The following ZFAND3 variants were observed in gnomAD, a reference collection of about 807,000 sequenced individuals.
ZFAND3 encodes AN1-type zinc finger protein 3.
A neutral mutation model predicts 29.6 loss-of-function variants in ZFAND3; 10 were observed. That is an observed-to-expected ratio of 0.34 (90% CI 0.21 to 0.57). The LOEUF (loss-of-function observed/expected upper bound fraction) is 0.57, where lower values mean the gene tolerates loss of function less well. Among genes scored for constraint, ZFAND3 ranks in the 20% least tolerant of loss-of-function variants. ZFAND3 has a pLI of 0.86. For synonymous variants in ZFAND3, 128 were observed against 112.6 expected (o/e 1.14, Z -0.87); for missense variants, 230 against 304.5 (o/e 0.76, Z 1.82).
chr6:37,884,664 C>G (rs765197417), intron 1 of ZFAND3, among the ~76,000 whole-genome samples: 1 of 144,654 alleles, frequency 6.9e-6, no homozygotes, highest in African/African-American at 2.8e-5. Flanking sequence ...ATCTGCTACT[C>G]TAAATATCAA....
rs1766290117 is a variant in ZFAND3, at chr6:38,153,895, C to T, written c.*1506C>T. The T allele has an allele frequency of 1.0e-6, 1 of 985,366 alleles. No individual in the cohort carries two copies. The highest frequency in any genetic ancestry group is 6.1e-5 in the Admixed American group (1 of 16,272). 61.0% of individuals were successfully genotyped at this position (985,366 alleles called of 1,614,324 possible). A position where few individuals can be genotyped will look rare whatever the true frequency, so the allele number is the denominator to read the frequency against. Reference sequence around the variant, plus strand: ...AGGCTACTGGAATAGTTTAACCCAGCAACTTTCCTTTTTATAAAACAACAA... The same window carrying T: ...AGGCTACTGGAATAGTTTAACCCAGTAACTTTCCTTTTTATAAAACAACAA... On this transcript the variant is annotated 3_prime_UTR_variant, in exon 6 of 6. Transcript: ENST00000287218.
At chr6:37,861,889 A>G (rs1404303163) in intron 1 of ZFAND3, among the ~76,000 whole-genome samples, 2 of 152,248 alleles carry the variant, frequency 1.3e-5, no homozygotes, top group Non-Finnish European at 1.5e-5. Context: ...TATTTCAAGT[A>G]GAAATAGAAA....
At chr6:37,867,731 A>G (rs1561916241) in intron 1 of ZFAND3, among the ~76,000 whole-genome samples, 1 of 152,246 alleles carries the variant, frequency 6.6e-6, no homozygotes, top group Non-Finnish European at 1.5e-5. Flanking sequence ...TGTCACAATA[A>G]GAACCAGTAC....
rs190468252 is a variant in ZFAND3 at position 37,898,919 on chromosome 6, G to A, written c.72-31040G>A. On this transcript the variant is annotated intron_variant, in intron 1 of 5. Transcript: ENST00000287218. ...ATTTCTTATTTATTTATTTTGAGAC[G>A]GAGTCTCACTCTGTTGCCCAGGCTG... is the stretch of plus-strand genomic sequence containing the variant. 3.0e-3 allele frequency among the ~76,000 whole-genome samples: 261 copies of A among 87,334 alleles called. 1 individual carries two copies. Among genetic ancestry groups the A allele is most frequent in the African/African-American group, 0.013 (247 of 19,594 alleles). The allele number at this position is 87,334 out of a possible 152,430, so 57.3% of individuals were successfully genotyped here.
At chr6:38,038,892 C>G (rs1032306001) in intron 2 of ZFAND3, among the ~76,000 whole-genome samples, 5 of 152,190 alleles carry the variant, frequency 3.3e-5, no homozygotes, top group Non-Finnish European at 7.3e-5. Context: ...TGGATCCCAT[C>G]CTGAAACCTG....
At chr6:37,889,887 G>A (rs928749727) in intron 1 of ZFAND3, among the ~76,000 whole-genome samples, 1 of 152,106 alleles carries the variant, frequency 6.6e-6, no homozygotes, top group Admixed American at 6.6e-5. Context: ...TTTAAGCAGC[G>A]ATTTATTTCT....
intron 3 of ZFAND3, among the ~76,000 whole-genome samples, chr6:38,066,755 A>G (rs1764354198): frequency 6.6e-6 from 1 of 152,238 alleles, no homozygotes; most frequent in Non-Finnish European, 1.5e-5. Context: ...TCTTTTGAAA[A>G]GACTGCAGAT....
chr6:37,961,696 G>C (rs1366950632), intron 2 of ZFAND3, among the ~76,000 whole-genome samples: 2 of 152,200 alleles, frequency 1.3e-5, no homozygotes, highest in Non-Finnish European at 2.9e-5. Context: ...GAAAGTACAG[G>C]AAGAAAACAA....
intron 3 of ZFAND3, among the ~76,000 whole-genome samples, chr6:38,068,009 A>G (rs1764379760): frequency 6.6e-6 from 1 of 152,152 alleles, no homozygotes; most frequent in African/African-American, 2.4e-5. Context: ...GCTGCTAGGG[A>G]GGATTAATGG....
intron 1 of ZFAND3, among the ~76,000 whole-genome samples, chr6:37,882,367 C>G (rs1262024329): frequency 6.6e-6 from 1 of 152,066 alleles, no homozygotes; most frequent in Non-Finnish European, 1.5e-5. Context: ...AGCCGCCCCC[C>G]CAATTCTCTT....
chr6:38,087,306 A>G (rs934279869), intron 4 of ZFAND3, among the ~76,000 whole-genome samples: 3 of 152,230 alleles, frequency 2.0e-5, no homozygotes, highest in Admixed American at 6.5e-5. Flanking sequence ...ATACCCCACA[A>G]GCACAGGCAA....
At chr6:38,098,074 G>A (rs1363222105) in intron 4 of ZFAND3, among the ~76,000 whole-genome samples, 2 of 152,108 alleles carry the variant, frequency 1.3e-5, no homozygotes, top group African/African-American at 4.8e-5. Flanking sequence ...GCCCCACCCC[G>A]CTTTTTGAGA....
chr6:37,863,105 C>T (rs1157232088), intron 1 of ZFAND3, among the ~76,000 whole-genome samples: 1 of 152,134 alleles, frequency 6.6e-6, no homozygotes, highest in African/African-American at 2.4e-5. Flanking sequence ...GAGTCTGATT[C>T]CTGCGCTGAC....
chr6:38,088,372 A>C (rs1024369506), intron 4 of ZFAND3: 4 of 152,184 alleles, frequency 2.6e-5, no homozygotes, highest in African/African-American at 9.7e-5. Flanking sequence ...AAAAAGTAGA[A>C]GGTTGGTTAC....
intron 5 of ZFAND3, among the ~76,000 whole-genome samples, chr6:38,129,827 T>C (rs1443665975): frequency 6.6e-6 from 1 of 152,002 alleles, no homozygotes; most frequent in Non-Finnish European, 1.5e-5. Context: ...CATGTGAATT[T>C]TAGGATTGTT....
At chr6:38,053,302 C>A (rs1764065487) in intron 2 of ZFAND3, among the ~76,000 whole-genome samples, 2 of 60,378 alleles carry the variant, frequency 3.3e-5, no homozygotes, top group African/African-American at 4.6e-5. Flanking sequence ...TGTTTTCTTA[C>A]AATTTTTTTT....
At chr6:37,844,960 C>G (rs1322570666) in intron 1 of ZFAND3, among the ~76,000 whole-genome samples, 1 of 149,936 alleles carries the variant, frequency 6.7e-6, no homozygotes, top group African/African-American at 2.5e-5. Flanking sequence ...GAAGGTGGAG[C>G]TTGCAGTGAG....
chr6:38,004,103 A>T (rs73421473), intron 2 of ZFAND3, among the ~76,000 whole-genome samples: 10,364 of 151,904 alleles, frequency 0.068, 424 homozygotes, highest in Non-Finnish European at 0.087. Flanking sequence ...CCCTTGGAGG[A>T]TTTTAGGAGT....
intron 1 of ZFAND3, among the ~76,000 whole-genome samples, chr6:37,873,115 C>A (rs1380786761): frequency 6.6e-6 from 1 of 151,954 alleles, no homozygotes; most frequent in Non-Finnish European, 1.5e-5. Context: ...AAAAACCCCC[C>A]AAAAAATTAG....
Sources: allele counts gnomAD v4.1 joint callset (sites outside exome capture counted in the v4.1 genomes callset), GRCh38; gene constraint gnomAD v4.1.1; transcripts MANE v1.5; gene names NCBI Gene and HGNC (gene_info 2026-07-23, HGNC 2026-07-21).